Variants in HPX observed in about 807,000 individuals in gnomAD.
The protein encoded by HPX is beta-1B-glycoprotein.
A neutral mutation model predicts 53.8 loss-of-function variants in HPX; 42 were observed. The ratio of observed to expected loss-of-function variants is 0.78; its 90% CI spans 0.61 to 1.01. The LOEUF is 1.01. Among genes scored for constraint, HPX ranks in the 50% least tolerant of loss-of-function variants. HPX has a pLI of 0.00. For missense variants in HPX, 547 were observed against 594.3 expected (o/e 0.92, Z 0.83); for synonymous variants, 229 against 221.1 (o/e 1.04, Z -0.32).
At chr11:6,436,979 T>A in intron 7 of HPX, 67 bp downstream of exon 7, 7 of 1,552,036 alleles carry the variant, frequency 4.5e-6, no homozygotes, top group Non-Finnish European at 6.2e-6. Context: ...GAGAAATGTG[T>A]CAAGGATGGG....
intron 5 of HPX, 158 bp downstream of exon 5, chr11:6,438,198 C>A: frequency 1.4e-6 from 1 of 721,696 alleles, no homozygotes. Context: ...CTCCTTCCCT[C>A]ACGTGACCTC....
chr11:6,438,425 A>T lies in HPX; in HGVS notation c.421T>A (p.Ser141Thr). The T allele has an allele frequency of 6.2e-7, 1 of 1,614,120 alleles. No homozygotes were observed. The highest frequency in any genetic ancestry group is 8.5e-7 in the Non-Finnish European group (1 of 1,179,968). The stretch of plus-strand genomic sequence containing the variant: ...CATTCCACAGCTGCATCCAGTGGGG[A>T]TGGGATTCCAGGAAATTCATCTTGG... ...LLQDEFPGIP[S>T]PLDAAVECHR... Residue 141 changes from serine to threonine, a missense_variant, in exon 5 of 10, where the codon TCC becomes ACC. Ser to Thr is a moderately conservative substitution (Grantham distance 58). Coordinates refer to ENST00000265983, the MANE Select transcript of HPX (RefSeq NM_000613.3).
Position 6,431,367 on chromosome 11 carries a change from C to T in HPX, c.1233G>A (p.Lys411=), listed in dbSNP as rs147794828. Residue 411 remains lysine, a synonymous_variant, in exon 10 of 10, where the codon AAG becomes AAA. Coordinates refer to ENST00000265983, the MANE Select transcript of HPX (RefSeq NM_000613.3). The part of the protein sequence containing the change: ...EKVDGALCME[K]SLGPNSCSAN... Reference sequence around the variant, plus strand: ...CGGAACATGAGTTAGGGCCAAGGGACTTTTCCATACACAAGGCTCCGTCTA... The same window carrying T: ...CGGAACATGAGTTAGGGCCAAGGGATTTTTCCATACACAAGGCTCCGTCTA... The T allele has an allele frequency of 2.1e-5, 34 of 1,614,132 alleles. No individual in the cohort carries two copies. In the African/African-American group the frequency reaches 4.3e-4, roughly 20 times the overall value.
In HPX at chr11:6,437,432, T is replaced by C; in HGVS notation, c.703+8A>G. ...TCTGACAGGTCTCAAGTGCTAGGGC[T>C]TTCTCACCTCTGCCAGGGCAGGGCA... On this transcript the variant is annotated splice_region_variant and intron_variant, in intron 6 of 9. Coordinates refer to ENST00000265983, the MANE Select transcript of HPX (RefSeq NM_000613.3). 1 of 1,611,708 alleles carries C rather than the reference T, an allele frequency of 6.2e-7. No homozygotes were observed. Among genetic ancestry groups the C allele is most frequent in the Non-Finnish European group, 8.5e-7 (1 of 1,178,776 alleles).
rs1277107445 is a variant in HPX, at chr11:6,440,580, A to T, written c.143-42T>A. Reference sequence around the variant, plus strand: ...GAGATGGCAAAGTAAAAAAAAAAAAAAAAAAAAAAAAAAAAAAAAAAAACC... The same window carrying T: ...GAGATGGCAAAGTAAAAAAAAAAAATAAAAAAAAAAAAAAAAAAAAAAACC... On this transcript the variant is annotated intron_variant, in intron 2 of 9. Coordinates refer to ENST00000265983, the MANE Select transcript of HPX (RefSeq NM_000613.3). The T allele has an allele frequency of 2.1e-5, 12 of 585,058 alleles. No individual in the cohort carries two copies. In the Admixed American group the frequency reaches 7.3e-4, roughly 36 times the overall value. The allele number at this position is 585,058 out of a possible 1,614,324, so 36.2% of individuals were successfully genotyped here.
chr11:6,440,880 C>T lies in HPX; in HGVS notation c.83+1G>A, dbSNP rs147162317. ...TCGCTTCTAGTCCCAGCTTTACTCA[C>T]GGAGGAAGAGGGGTGGCAATGGCCA... On this transcript the variant is annotated splice_donor_variant, in intron 1 of 9. Coordinates refer to ENST00000265983, the MANE Select transcript of HPX (RefSeq NM_000613.3). LOFTEE classifies it high-confidence loss of function. 7.1e-5 allele frequency: 114 copies of T among 1,613,000 alleles called. No homozygotes were observed. Among genetic ancestry groups the T allele is most frequent in the East Asian group, 1.1e-4 (5 of 44,870 alleles).
intron 9 of HPX, 36 bp from the exon 10 acceptor site, chr11:6,431,506 T>C: frequency 1.9e-6 from 3 of 1,612,984 alleles, no homozygotes; most frequent in Non-Finnish European, 2.5e-6. Flanking sequence ...ATGGCTTCCA[T>C]GTCATGGGGA....
chr11:6,437,115 G>C lies in HPX; in HGVS notation c.766C>G (p.Arg256Gly). ...GACAAGACTAGATGTGGGCTACAGC[G>C]CATATACTCAGGGCCATGGTGGGTA... The part of the protein sequence containing the change: ...NSTHHGPEYM[R>G]CSPHLVLSAL... The change falls in exon 7 of 10, where the codon CGC (arginine) becomes GGC (glycine). Residue 256 changes from arginine to glycine, a missense_variant. Coordinates refer to ENST00000265983, the MANE Select transcript of HPX (RefSeq NM_000613.3). 1 of 1,614,114 alleles carries C rather than the reference G, an allele frequency of 6.2e-7. No homozygotes were observed. Among genetic ancestry groups the C allele is most frequent in the Non-Finnish European group, 8.5e-7 (1 of 1,179,978 alleles).
rs750058239 is a variant in HPX, at chr11:6,440,198, G to A, written c.303C>T (p.Phe101=). The A allele has an allele frequency of 9.9e-6, 16 of 1,613,958 alleles. No individual in the cohort carries two copies. The East Asian group carries it at 2.9e-4, about 29-fold the overall frequency. The change falls in exon 4 of 10, where the codon TTC becomes TTT. Residue 101 remains phenylalanine, a synonymous_variant. Transcript: ENST00000265983. ...GAAAGACACTGTTGTGACCTTGACGGAATGCAGCATCCACAGGGCTGGGGA... is the reference window on the plus strand; with the variant it reads ...GAAAGACACTGTTGTGACCTTGACGAAATGCAGCATCCACAGGGCTGGGGA... ...KNFPSPVDAA[F]RQGHNSVFLI... is the part of the protein sequence containing the mutation.
At chr11:6,440,397 A>G in intron 3 of HPX, 70 bp downstream of exon 3, 1 of 1,591,106 alleles carries the variant, frequency 6.3e-7, no homozygotes, top group Non-Finnish European at 8.6e-7. Flanking sequence ...GACCTCCCAC[A>G]GACAGGGACA....
intron 4 of HPX, 145 bp from the exon 5 acceptor site, chr11:6,438,654 T>G: frequency 2.7e-6 from 2 of 736,860 alleles, no homozygotes; most frequent in Non-Finnish European, 4.5e-6. Context: ...AACAATGTGC[T>G]GTCCTTTTGC....
chr11:6,439,731 T>C, intron 4 of HPX: 1 of 204,404 alleles, frequency 4.9e-6, no homozygotes. Context: ...CCCCTTCCTC[T>C]GAGCAGACAC....
chr11:6,431,246 G>C lies in HPX; in HGVS notation c.1354C>G (p.Gln452Glu). The C allele has an allele frequency of 6.2e-7, 1 of 1,614,246 alleles. No homozygotes were observed. Among genetic ancestry groups the C allele is most frequent in the South Asian group, 1.1e-5 (1 of 91,086 alleles). The change falls in exon 10 of 10, where the codon CAG (glutamine) becomes GAG (glutamate). Residue 452 changes from glutamine to glutamate, a missense_variant. Gln to Glu is a conservative substitution (Grantham distance 29). Transcript: ENST00000265983. The part of the protein sequence containing the change: ...LNAAKALPQP[Q>E]NVTSLLGCTH ...CAGCCCAGGAGACTGGTCACATTCT[G>C]GGGTTGCGGAAGGGCCTTGGCTGCA...
Position 6,437,535 on chromosome 11 carries a change from C to G in HPX, c.608G>C (p.Gly203Ala), listed in dbSNP as rs980368191. The change falls in exon 6 of 10, where the codon GGT (glycine) becomes GCT (alanine). Residue 203 changes from glycine to alanine, a missense_variant. By Grantham distance (60) the Gly-to-Ala change is moderately conservative. Transcript: ENST00000265983. ...RWLGRYYCFQ[G>A]NQFLRFDPVR... ...AGGGTCGAAGCGCAGGAATTGGTTA[C>G]CCTGGAAGCAGTAGTAGCGGCCCAG... 1.1e-5 allele frequency: 17 copies of G among 1,614,208 alleles called. No individual in the cohort carries two copies. The highest frequency in any genetic ancestry group is 1.4e-5 in the Non-Finnish European group (17 of 1,180,022).
chr11:6,434,254 C>G (rs577746335), intron 7 of HPX, among the ~76,000 whole-genome samples: 1 of 152,194 alleles, frequency 6.6e-6, no homozygotes, highest in Non-Finnish European at 1.5e-5. Flanking sequence ...GAGTATACAG[C>G]GGTGACTGAC....
In HPX at chr11:6,431,994, T is replaced by C. The variant is rs1367871180; in HGVS notation, c.859A>G (p.Thr287Ala). Residue 287 changes from threonine to alanine, a missense_variant, in exon 8 of 10, where the codon ACC becomes GCC. Physicochemically the swap from Thr to Ala is moderately conservative, Grantham distance 58. Coordinates refer to ENST00000265983, the MANE Select transcript of HPX (RefSeq NM_000613.3). ...FSGTHYWRLDTSRDGWHSWPI... is the reference protein window; with the variant it reads ...FSGTHYWRLDASRDGWHSWPI... ...CAGCTATGCCAGCCATCCCGGCTGG[T>C]GTCCAGACGCCAGTAGTGGGTCCCT... 6.2e-7 allele frequency: 1 copy of C among 1,614,076 alleles called. No individual in the cohort carries two copies. Among genetic ancestry groups the C allele is most frequent in the Admixed American group, 1.7e-5 (1 of 60,006 alleles).
chr11:6,432,023 G>A lies in HPX; in HGVS notation c.836-6C>T, dbSNP rs779847407. 3.7e-6 allele frequency: 6 copies of A among 1,614,030 alleles called. No individual in the cohort carries two copies. The African/African-American group carries it at 8.0e-5, about 22-fold the overall frequency. On this transcript the variant is annotated splice_region_variant and splice_polypyrimidine_tract_variant and intron_variant, in intron 7 of 9. Coordinates refer to ENST00000265983, the MANE Select transcript of HPX (RefSeq NM_000613.3). ...CAGACGCCAGTAGTGGGTCCCTGTGGAATACCATAGGTTGCTCTAGGGCCG... is the reference window on the plus strand; with the variant it reads ...CAGACGCCAGTAGTGGGTCCCTGTGAAATACCATAGGTTGCTCTAGGGCCG...
At position 6,440,525 on chromosome 11, in the gene HPX, A is replaced by G. The variant is rs1166143306; in HGVS notation, c.156T>C (p.Asp52=). The G allele has an allele frequency of 6.3e-7, 1 of 1,585,478 alleles. No individual in the cohort carries two copies. The highest frequency in any genetic ancestry group is 2.4e-5 in the East Asian group (1 of 41,756). The change falls in exon 3 of 10, where the codon GAT becomes GAC. Residue 52 remains aspartate, a synonymous_variant. Transcript: ENST00000265983. The part of the protein sequence containing the change: ...PDPDVTERCS[D]GWSFDATTLD... ...GGGTGGTAGCATCAAAGCTCCAGCC[A>G]TCTGAGCAGCGTTCTGGGGTGGAGG... is the stretch of plus-strand genomic sequence containing the variant.
At position 6,438,522 on chromosome 11, in the gene HPX, G is replaced by A. The variant is rs1849446115; in HGVS notation, c.337-13C>T. The A allele has an allele frequency of 1.2e-6, 2 of 1,612,904 alleles. No homozygotes were observed. The highest frequency in any genetic ancestry group is 1.7e-6 in the Non-Finnish European group (2 of 1,179,090). ...AGACTTTGTCCCCCTGCATTCAAAA[G>A]TACTCTCTTTTTGACTGTGCATCCC... On this transcript the variant is annotated splice_polypyrimidine_tract_variant and intron_variant, in intron 4 of 9. Transcript: ENST00000265983.
Sources: allele counts gnomAD v4.1 joint callset (sites outside exome capture counted in the v4.1 genomes callset), GRCh38; gene constraint gnomAD v4.1.1; transcripts MANE v1.5; gene names NCBI Gene and HGNC (gene_info 2026-07-23, HGNC 2026-07-21).